Variants in ETFB observed in about 807,000 individuals in gnomAD.
ETFB encodes the protein beta-ETF.
A neutral mutation model predicts 25.6 loss-of-function variants in ETFB; 20 were observed. The observed-to-expected ratio is 0.78, with a 90% CI of 0.55 to 1.14. ETFB has a LOEUF of 1.14. Among genes scored for constraint, ETFB ranks in the 50% most tolerant of loss-of-function variants. The pLI, the probability that ETFB is intolerant of heterozygous loss-of-function variation, is 0.00. For synonymous variants in ETFB, 142 were observed against 146.7 expected, an observed-to-expected ratio of 0.97 and a Z score of 0.23; for missense variants, 286 against 342.6, an observed-to-expected ratio of 0.83 and a Z score of 1.30.
At chr19:51,360,053 T>C (rs1456352066) in intron 1 of ETFB, among the ~76,000 whole-genome samples, 1 of 151,416 alleles carries the variant, frequency 6.6e-6, no homozygotes, top group Non-Finnish European at 1.5e-5. Flanking sequence ...AGGTAAATCA[T>C]TCAGCATTAA....
Position 51,353,206 on chromosome 19 carries a change from G to A in ETFB, c.301C>T (p.Pro101Ser), listed in dbSNP as rs1488721175. Reference protein sequence around the residue: ...VPPAEAERLGPLQVARVLAKL... With the variant: ...VPPAEAERLGSLQVARVLAKL... ...GCCAGGACCCGAGCCACCTGCAGGG[G>A]ACCCAAGCGTTCTGCTTCTGCTGGG... Residue 101 changes from proline (P) to serine (S), a missense_variant, in exon 3 of 6, where the codon CCC (proline) becomes TCC (serine). Pro to Ser is a moderately conservative substitution (Grantham distance 74). Coordinates refer to ENST00000309244, the MANE Select transcript of ETFB (RefSeq NM_001985.3). 3 of 1,614,114 alleles carry A rather than the reference G, an allele frequency of 1.9e-6. No individual in the cohort carries two copies. Among genetic ancestry groups the A allele is most frequent in the Non-Finnish European group, 2.5e-6 (3 of 1,180,008 alleles).
At chr19:51,358,526 T>C (rs76728620) in intron 1 of ETFB, among the ~76,000 whole-genome samples, 3,383 of 151,952 alleles carry the variant, frequency 0.022, 110 homozygotes, top group African/African-American at 0.067. Context: ...CAGCTGGGCG[T>C]GGTGGCTCAT....
intron 2 of ETFB, among the ~76,000 whole-genome samples, chr19:51,353,749 G>C (rs76689356): frequency 0.012 from 271 of 23,528 alleles, 1 homozygote; most frequent in African/African-American, 0.018. Context: ...CAGACCCAGG[G>C]GTCCAGACTT....
At position 51,364,833 on chromosome 19, in the gene ETFB, C is replaced by T. The variant is rs143769818; in HGVS notation, c.57+1437G>A. 1.8e-4 allele frequency among the ~76,000 whole-genome samples: 28 copies of T among 152,304 alleles called. No homozygotes were observed. The East Asian group carries it at 4.8e-3, about 26-fold the overall frequency. On this transcript the variant is annotated intron_variant, in intron 1 of 5. Coordinates refer to ENST00000309244, the MANE Select transcript of ETFB (RefSeq NM_001985.3). ...GCCCGGGGTTTCGATCGTAACTCTG[C>T]CACTTACTGGCTGGGAGATCTGACA... is the stretch of plus-strand genomic sequence containing the variant.
intron 4 of ETFB, 129 bp downstream of exon 4, chr19:51,350,199 AG>A: frequency 9.8e-7 from 1 of 1,024,250 alleles, no homozygotes; most frequent in Non-Finnish European, 1.5e-6. Flanking sequence ...GGAACAAGAA[AG>A]CCATGAGGCA....
At chr19:51,364,620 A>G (rs771185812) in intron 1 of ETFB, among the ~76,000 whole-genome samples, 13 of 152,238 alleles carry the variant, frequency 8.5e-5, no homozygotes, top group Non-Finnish European at 1.8e-4. Context: ...AGGGAGCTGT[A>G]GGACTCCAAA....
At position 51,353,200 on chromosome 19, in the gene ETFB, G is replaced by A; in HGVS notation, c.307C>T (p.Gln103Ter). 6.2e-7 allele frequency: 1 copy of A among 1,614,112 alleles called. No individual in the cohort carries two copies. The highest frequency in any genetic ancestry group is 8.5e-7 in the Non-Finnish European group (1 of 1,180,006). Reference protein sequence around the residue: ...PAEAERLGPLQVARVLAKLAE... With the variant: ...PAEAERLGPL ...AGCTTGGCCAGGACCCGAGCCACCT[G>A]CAGGGGACCCAAGCGTTCTGCTTCT... The change falls in exon 3 of 6, where the codon CAG becomes TAG. Residue 103 changes from glutamine to a stop codon, truncating the protein, a stop_gained. Coordinates refer to ENST00000309244, the MANE Select transcript of ETFB (RefSeq NM_001985.3). LOFTEE classifies it high-confidence loss of function.
Position 51,364,353 on chromosome 19 carries a change from T to C in ETFB, c.57+1917A>G, listed in dbSNP as rs141200455. On this transcript the variant is annotated intron_variant, in intron 1 of 5. Transcript: ENST00000309244. ...ACACATCCAGTGAGACAGGATGTAA[T>C]GCAGGGAGCCCTGGGGCACTGCGGG... 4.7e-4 allele frequency among the ~76,000 whole-genome samples: 72 copies of C among 152,290 alleles called. 2 individuals are homozygous for C. In the East Asian group the frequency reaches 0.01, roughly 21 times the overall value.
intron 1 of ETFB, chr19:51,365,154 A>G (rs917927185): frequency 6.6e-6 from 1 of 152,268 alleles, no homozygotes; most frequent in Non-Finnish European, 1.5e-5. Flanking sequence ...AGACTGCGCC[A>G]TTGCACTCCA....
At position 51,353,223 on chromosome 19, in the gene ETFB, T is replaced by G; in HGVS notation, c.284A>C (p.Glu95Ala). 6.2e-7 allele frequency: 1 copy of G among 1,614,096 alleles called. No homozygotes were observed. The highest frequency in any genetic ancestry group is 8.5e-7 in the Non-Finnish European group (1 of 1,180,008). Reference sequence around the variant, plus strand: ...CTGCAGGGGACCCAAGCGTTCTGCTTCTGCTGGGGGCACCTCCACGTGGAT... The same window carrying G: ...CTGCAGGGGACCCAAGCGTTCTGCTGCTGCTGGGGGCACCTCCACGTGGAT... ...RGIHVEVPPAEAERLGPLQVA... is the reference protein window; with the variant it reads ...RGIHVEVPPAAAERLGPLQVA... The change falls in exon 3 of 6, where the codon GAA (glutamate) becomes GCA (alanine). Residue 95 changes from glutamate to alanine, a missense_variant. Coordinates refer to ENST00000309244, the MANE Select transcript of ETFB (RefSeq NM_001985.3).
intron 1 of ETFB, among the ~76,000 whole-genome samples, chr19:51,359,428 T>C (rs1986165785): frequency 6.6e-6 from 1 of 151,094 alleles, no homozygotes; most frequent in Non-Finnish European, 1.5e-5. Context: ...CATCCACCCA[T>C]CAGTAAGAGG....
At chr19:51,361,579 C>T (rs1007531297) in intron 1 of ETFB, 2 of 151,942 alleles carry the variant, frequency 1.3e-5, no homozygotes, top group African/African-American at 4.8e-5. Context: ...TGTGGCTGGT[C>T]GGGGTTGGGC....
intron 1 of ETFB, among the ~76,000 whole-genome samples, chr19:51,360,291 A>G (rs1187769267): frequency 6.6e-6 from 1 of 151,642 alleles, no homozygotes; most frequent in Non-Finnish European, 1.5e-5. Flanking sequence ...AATTCCAGCT[A>G]GTTGGGAGGC....
At chr19:51,361,467 GC>G (rs1440641549) in intron 1 of ETFB, among the ~76,000 whole-genome samples, 1 of 152,162 alleles carries the variant, frequency 6.6e-6, no homozygotes, top group Admixed American at 6.5e-5. Flanking sequence ...CCCCACGTGT[GC>G]CCTGTCAGAC....
chr19:51,353,026 G>A (rs1463228754), intron 3 of ETFB, 106 bp downstream of exon 3: 5 of 1,400,044 alleles, frequency 3.6e-6, no homozygotes, highest in African/African-American at 1.4e-5. Context: ...GCCTGGAGTG[G>A]TGAATGCCCT....
At chr19:51,356,242 G>A (rs1252296735) in intron 1 of ETFB, 1 of 151,958 alleles carries the variant, frequency 6.6e-6, no homozygotes, top group Non-Finnish European at 1.5e-5. Flanking sequence ...CCTTTTGGGT[G>A]GTCTATGCTC....
At position 51,362,124 on chromosome 19, in the gene ETFB, C is replaced by A. The variant is rs535199783; in HGVS notation, c.57+4146G>T. On this transcript the variant is annotated intron_variant, in intron 1 of 5. Transcript: ENST00000309244. The stretch of plus-strand genomic sequence containing the variant: ...AATACCTATTAAAATGTTAGATACA[C>A]GCACATACCCAGAAACATACACACA... Among the ~76,000 whole-genome samples, 8 of 150,660 alleles carry A rather than the reference C, an allele frequency of 5.3e-5. No individual in the cohort carries two copies. The East Asian group carries it at 9.8e-4, about 18-fold the overall frequency.
At position 51,347,075 on chromosome 19, in the gene ETFB, TAGG is replaced by T. The variant is rs1346734669; in HGVS notation, c.439-20_439-18del. 2 of 1,613,678 alleles carry T rather than the reference TAGG, an allele frequency of 1.2e-6. No individual in the cohort carries two copies. The highest frequency in any genetic ancestry group is 1.7e-6 in the Non-Finnish European group (2 of 1,179,874). ...GAATGTGCCCTGGGGAGGGACAGTG[TAGG>T]AGGAGAGTGGGTGAGGCTAATTCAG... is the stretch of plus-strand genomic sequence containing the variant. On this transcript the variant is annotated intron_variant, in intron 4 of 5. Coordinates refer to ENST00000309244, the MANE Select transcript of ETFB (RefSeq NM_001985.3).
At chr19:51,351,832 C>T (rs932336831) in intron 3 of ETFB, among the ~76,000 whole-genome samples, 1 of 152,016 alleles carries the variant, frequency 6.6e-6, no homozygotes, top group Non-Finnish European at 1.5e-5. Flanking sequence ...CATCTCTCTC[C>T]GGGGGCCCCA....
Sources: gnomAD v4.1 joint callset for allele counts (sites outside exome capture counted in the v4.1 genomes callset) on GRCh38, gnomAD v4.1.1 for gene constraint, MANE v1.5 for transcripts, NCBI Gene and HGNC (gene_info 2026-07-23, HGNC 2026-07-21) for gene names.